Variants in SHANK2 observed in about 807,000 individuals in gnomAD.
The protein encoded by SHANK2 is SH3 and multiple ankyrin repeat domains 2.
In SHANK2, 43 loss-of-function variants were observed where a neutral mutation model predicts 133.7. The ratio of observed to expected loss-of-function variants is 0.32; its 90% CI spans 0.25 to 0.41. SHANK2 has a LOEUF of 0.41. SHANK2 is among the 10% of genes least tolerant of loss of function. SHANK2 has a pLI of 1.00. For missense variants in SHANK2, 1,994 were observed against 2,235.8 expected (o/e 0.89, Z 2.18); for synonymous variants, 1,017 against 952.8 (o/e 1.07, Z -1.24).
chr11:70,577,366 C>G (rs75451431), intron 17 of SHANK2, among the ~76,000 whole-genome samples: 6,429 of 152,292 alleles, frequency 0.042, 460 homozygotes, highest in African/African-American at 0.15. Context: ...CCACGCCTGT[C>G]TCCTTGGTGG....
intron 14 of SHANK2, among the ~76,000 whole-genome samples, chr11:70,717,394 T>A (rs1247420116): frequency 6.6e-6 from 1 of 152,214 alleles, no homozygotes; most frequent in African/African-American, 2.4e-5. Context: ...GGATTCTGGA[T>A]GCAACTGAGA....
At chr11:70,880,886 G>C (rs1476488980) in intron 11 of SHANK2, among the ~76,000 whole-genome samples, 1 of 152,226 alleles carries the variant, frequency 6.6e-6, no homozygotes, top group East Asian at 1.9e-4. Context: ...CTCCAAGGGG[G>C]ATTTCTCGCT....
chr11:70,592,490 C>G lies in SHANK2; in HGVS notation c.2061+67338G>C, dbSNP rs12279866. Among the ~76,000 whole-genome samples the G allele has an allele frequency of 1.5e-3, 221 of 149,254 alleles. 1 individual carries two copies. Among genetic ancestry groups the G allele is most frequent in the African/African-American group, 5.2e-3 (215 of 41,326 alleles). ...AGCAGCACACACCCAGCTCTGCATCCCAGCACACCCCCTCCAGCCACGGCC... is the reference window on the plus strand; with the variant it reads ...AGCAGCACACACCCAGCTCTGCATCGCAGCACACCCCCTCCAGCCACGGCC... On this transcript the variant is annotated intron_variant, in intron 17 of 25. Coordinates refer to ENST00000601538, the MANE Select transcript of SHANK2 (RefSeq NM_012309.5).
Position 70,487,405 on chromosome 11 carries a change from G to C in SHANK2, c.2888C>G (p.Ser963Cys). 1 of 1,614,176 alleles carries C rather than the reference G, an allele frequency of 6.2e-7. No individual in the cohort carries two copies. Among genetic ancestry groups the C allele is most frequent in the Non-Finnish European group, 8.5e-7 (1 of 1,180,040 alleles). ...GGCATTCCGACTGTAGAGGTCTTCA[G>C]AGTCCAAGGAGTAGCGGTCCAGCTC... is the stretch of plus-strand genomic sequence containing the variant. ...RRELDRYSLD[S>C]EDLYSRNAGP... The change falls in exon 25 of 26, where the codon TCT becomes TGT. Residue 963 changes from serine (S) to cysteine (C), a missense_variant. By Grantham distance (112) the Ser-to-Cys change is moderately radical. Around this residue, in one of 5 missense-constraint regions of SHANK2, gnomAD observed 488 missense variants for 642.6 expected, o/e 0.76. Coordinates refer to ENST00000601538, the MANE Select transcript of SHANK2 (RefSeq NM_012309.5). This position sits in a 1 kb window ranked among gnomAD's most constrained non-coding sequence, Gnocchi z 5.8.
At chr11:70,931,935 C>T (rs1356232194) in intron 10 of SHANK2, among the ~76,000 whole-genome samples, 3 of 152,132 alleles carry the variant, frequency 2.0e-5, no homozygotes, top group Admixed American at 1.3e-4. Flanking sequence ...CCTAGCAATT[C>T]GAAATTAGCA....
At chr11:70,919,948 G>A (rs1950326831) in intron 10 of SHANK2, among the ~76,000 whole-genome samples, 1 of 152,068 alleles carries the variant, frequency 6.6e-6, no homozygotes, top group Non-Finnish European at 1.5e-5. Context: ...CTTGGTAACT[G>A]GCAGCTTCCA....
At chr11:70,791,945 C>T (rs1437401616) in intron 14 of SHANK2, among the ~76,000 whole-genome samples, 1 of 152,182 alleles carries the variant, frequency 6.6e-6, no homozygotes, top group Non-Finnish European at 1.5e-5. Context: ...ACTGTGAAGT[C>T]CCATAAACAT....
chr11:70,519,778 T>C (rs1487155067), intron 17 of SHANK2, among the ~76,000 whole-genome samples: 1 of 152,086 alleles, frequency 6.6e-6, no homozygotes, highest in Non-Finnish European at 1.5e-5. Flanking sequence ...TTCTGTTACC[T>C]GGGCTGGAGT....
chr11:71,178,131 G>A (rs1042260523), intron 2 of SHANK2, among the ~76,000 whole-genome samples: 5 of 152,200 alleles, frequency 3.3e-5, no homozygotes, highest in Non-Finnish European at 5.9e-5. Context: ...GTACATGAAT[G>A]TTCACAGCAA....
intron 2 of SHANK2, among the ~76,000 whole-genome samples, chr11:71,199,895 A>G (rs1488301437): frequency 6.6e-6 from 1 of 152,208 alleles, no homozygotes; most frequent in African/African-American, 2.4e-5. Flanking sequence ...CCCTCTGGCA[A>G]AGAGAATGAA....
chr11:70,576,028 T>C (rs1204484048), intron 17 of SHANK2, among the ~76,000 whole-genome samples: 2 of 152,056 alleles, frequency 1.3e-5, no homozygotes, highest in African/African-American at 4.8e-5. Context: ...ATGTCCCATT[T>C]CCCAGAGTGG....
At chr11:70,489,569 C>T in intron 23 of SHANK2, 2 of 593,718 alleles carry the variant, frequency 3.4e-6, no homozygotes, top group Non-Finnish European at 6.1e-6. Flanking sequence ...CAGGACAGTG[C>T]CCCTGGGGTG....
intron 17 of SHANK2, among the ~76,000 whole-genome samples, chr11:70,650,923 G>A (rs928520831): frequency 3.3e-5 from 5 of 152,248 alleles, no homozygotes; most frequent in Non-Finnish European, 5.9e-5. Flanking sequence ...AGAAATGAAT[G>A]AGTGAAGCTT....
chr11:71,085,365 A>G (rs1951364443), intron 8 of SHANK2, among the ~76,000 whole-genome samples: 1 of 148,988 alleles, frequency 6.7e-6, no homozygotes, highest in African/African-American at 2.5e-5. Flanking sequence ...CTGAGGCAAG[A>G]GAATTGCTTG....
chr11:71,228,954 AAATC>A (rs782334372), intron 1 of SHANK2, among the ~76,000 whole-genome samples: 1 of 152,226 alleles, frequency 6.6e-6, no homozygotes, highest in African/African-American at 2.4e-5. Flanking sequence ...TTTTTTAAAA[AAATC>A]AATCAATGTA....
At chr11:70,747,145 C>T (rs753036969) in intron 14 of SHANK2, among the ~76,000 whole-genome samples, 82 of 151,808 alleles carry the variant, frequency 5.4e-4, no homozygotes, top group Non-Finnish European at 1.0e-3. Context: ...GGTGGTAAGA[C>T]TCCGCTTGGG....
intron 17 of SHANK2, among the ~76,000 whole-genome samples, chr11:70,523,819 T>C (rs1565096057): frequency 1.3e-5 from 2 of 152,150 alleles, no homozygotes; most frequent in Non-Finnish European, 2.9e-5. Context: ...GAGCATCATA[T>C]GGAGGCAGAG....
intron 1 of SHANK2, among the ~76,000 whole-genome samples, chr11:71,230,358 G>C (rs1048091907): frequency 6.6e-6 from 1 of 151,884 alleles, no homozygotes; most frequent in Non-Finnish European, 1.5e-5. Flanking sequence ...AAGGCGGGTG[G>C]ATCACGAGGT....
chr11:70,542,567 G>A (rs1554975392), intron 17 of SHANK2, among the ~76,000 whole-genome samples: 1 of 152,182 alleles, frequency 6.6e-6, no homozygotes, highest in Admixed American at 6.5e-5. Context: ...CTGCTTATGG[G>A]ACACGGCCAT....
Sources: allele counts gnomAD v4.1 joint callset (sites outside exome capture counted in the v4.1 genomes callset), GRCh38; gene constraint gnomAD v4.1.1; regional missense constraint gnomAD v4.1.1; non-coding constraint Gnocchi (gnomAD v3.1); transcripts MANE v1.5; gene names NCBI Gene and HGNC (gene_info 2026-07-23, HGNC 2026-07-21).